Variants in ADK observed in about 807,000 individuals in gnomAD.
ADK encodes the protein N6,N6-dimethyladenosine kinase.
Under a neutral mutation model 44.7 loss-of-function variants are expected in ADK, and 24 were observed. The ratio of observed to expected loss-of-function variants is 0.54; its 90% CI spans 0.39 to 0.76. The LOEUF is 0.76. ADK is among the 30% of genes least tolerant of loss of function. The probability of loss-of-function intolerance (pLI) is 0.00; values close to 1 mark genes in which losing one functional copy is unlikely to be tolerated. For synonymous variants in ADK, 128 were observed against 142.6 expected (o/e 0.90, Z 0.73); for missense variants, 321 against 425.1 (o/e 0.76, Z 2.15).
intron 6 of ADK, among the ~76,000 whole-genome samples, chr10:74,455,485 G>A (rs1845912063): frequency 6.6e-6 from 1 of 151,622 alleles, no homozygotes; most frequent in Non-Finnish European, 1.5e-5. Context: ...GCTTAGTTTG[G>A]CTGGATATGA....
At chr10:74,476,871 C>T (rs1015747051) in intron 6 of ADK, among the ~76,000 whole-genome samples, 1 of 152,128 alleles carries the variant, frequency 6.6e-6, no homozygotes, top group Non-Finnish European at 1.5e-5. Context: ...TCTAGAATGT[C>T]ACATACATGA....
intron 9 of ADK, among the ~76,000 whole-genome samples, chr10:74,663,065 A>G (rs1854803890): frequency 6.6e-6 from 1 of 151,708 alleles, no homozygotes; most frequent in African/African-American, 2.4e-5. Context: ...ATGAAACCCT[A>G]TCTCTACTAA....
chr10:74,176,731 C>G, intron 1 of ADK: 1 of 1,500,888 alleles, frequency 6.7e-7, no homozygotes, highest in Non-Finnish European at 8.9e-7. Context: ...CCAGGGGCCG[C>G]CCGCGCGCGG....
chr10:74,458,806 A>G (rs766276625), intron 6 of ADK, among the ~76,000 whole-genome samples: 1 of 152,146 alleles, frequency 6.6e-6, no homozygotes, highest in African/African-American at 2.4e-5. Context: ...ATACTATCCC[A>G]TAGACCCACC....
chr10:74,666,036 C>T (rs1251238760), intron 9 of ADK, among the ~76,000 whole-genome samples: 4 of 152,094 alleles, frequency 2.6e-5, no homozygotes, highest in Non-Finnish European at 5.9e-5. Flanking sequence ...GGAGGTAAAC[C>T]TGCAGAAACA....
intron 9 of ADK, among the ~76,000 whole-genome samples, chr10:74,602,076 G>C (rs1166300348): frequency 8.2e-6 from 1 of 121,612 alleles, no homozygotes; most frequent in Middle Eastern, 8.1e-3. Context: ...CTGCACCCCA[G>C]CATGGATGAC....
At chr10:74,499,899 T>C (rs948815553) in intron 6 of ADK, among the ~76,000 whole-genome samples, 11 of 152,168 alleles carry the variant, frequency 7.2e-5, no homozygotes, top group African/African-American at 2.4e-4. Flanking sequence ...TATGGAACAA[T>C]GGCAGGGATG....
chr10:74,180,383 G>A (rs866957076), intron 1 of ADK, among the ~76,000 whole-genome samples: 1 of 149,032 alleles, frequency 6.7e-6, no homozygotes, highest in African/African-American at 2.5e-5. Context: ...GTTTACAGAC[G>A]CCTGCCTCAC....
chr10:74,209,777 A>G (rs910498098), intron 2 of ADK, among the ~76,000 whole-genome samples: 10 of 152,176 alleles, frequency 6.6e-5, no homozygotes, highest in Non-Finnish European at 1.2e-4. Context: ...TACATTATTG[A>G]AAAGAATCTT....
intron 10 of ADK, among the ~76,000 whole-genome samples, chr10:74,685,143 A>G (rs1345034542): frequency 1.3e-5 from 2 of 152,196 alleles, no homozygotes; most frequent in East Asian, 3.8e-4. Context: ...GAAAATGAAC[A>G]AAAAAACTGG....
chr10:74,644,602 TAG>T (rs1853993238), intron 9 of ADK, among the ~76,000 whole-genome samples: 1 of 152,192 alleles, frequency 6.6e-6, no homozygotes, highest in South Asian at 2.1e-4. Flanking sequence ...GATGCAATCA[TAG>T]ATCACTGTAA....
chr10:74,286,216 C>T (rs994139905), intron 3 of ADK, among the ~76,000 whole-genome samples: 1 of 152,138 alleles, frequency 6.6e-6, no homozygotes, highest in Admixed American at 6.5e-5. Context: ...CCACACCTGG[C>T]TCATTTTTTA....
chr10:74,234,732 G>A (rs894876318), intron 3 of ADK, among the ~76,000 whole-genome samples: 2 of 152,034 alleles, frequency 1.3e-5, no homozygotes, highest in Admixed American at 6.6e-5. Flanking sequence ...TGAAGTTCAT[G>A]TATTATAACT....
chr10:74,653,793 T>G (rs1382664033), intron 9 of ADK, among the ~76,000 whole-genome samples: 1 of 152,228 alleles, frequency 6.6e-6, no homozygotes, highest in Non-Finnish European at 1.5e-5. Context: ...TATTGGACAA[T>G]AAATGGTACT....
intron 3 of ADK, among the ~76,000 whole-genome samples, chr10:74,303,589 T>G (rs912510043): frequency 3.2e-5 from 3 of 94,268 alleles, no homozygotes; most frequent in African/African-American, 4.6e-5. Flanking sequence ...TTTAATGTTG[T>G]TTTTTTTTTT....
At chr10:74,372,333 G>A (rs1196299840) in intron 4 of ADK, 1 of 750,642 alleles carries the variant, frequency 1.3e-6, no homozygotes, top group Non-Finnish European at 2.4e-6. Context: ...AGACTGGAGT[G>A]CTGAGCCTGC....
intron 3 of ADK, among the ~76,000 whole-genome samples, chr10:74,257,030 G>A (rs966628439): frequency 1.3e-5 from 2 of 152,082 alleles, no homozygotes; most frequent in African/African-American, 2.4e-5. Flanking sequence ...GACTAAAATT[G>A]ACTTATCTTT....
intron 9 of ADK, among the ~76,000 whole-genome samples, chr10:74,652,960 A>G (rs1424559575): frequency 1.3e-5 from 2 of 152,210 alleles, no homozygotes; most frequent in East Asian, 1.9e-4. Context: ...TGTACGATCA[A>G]TTCATAAGCT....
intron 6 of ADK, among the ~76,000 whole-genome samples, chr10:74,483,294 C>CT: frequency 6.6e-6 from 1 of 152,140 alleles, no homozygotes; most frequent in Non-Finnish European, 1.5e-5. Context: ...ATCTGGGGCT[C>CT]TTTTTTCCAT....
Sources: gnomAD v4.1 joint callset for allele counts (sites outside exome capture counted in the v4.1 genomes callset) on GRCh38, gnomAD v4.1.1 for gene constraint, MANE v1.5 for transcripts, NCBI Gene and HGNC (gene_info 2026-07-23, HGNC 2026-07-21) for gene names.